METTL22: variants seen among roughly 807,000 people sequenced by gnomAD.
METTL22 encodes the protein methyltransferase-like protein 22.
Under a neutral mutation model 48.4 loss-of-function variants are expected in METTL22, and 51 were observed. That is an observed-to-expected ratio of 1.05 (90% CI 0.84 to 1.33). The LOEUF (loss-of-function observed/expected upper bound fraction) is 1.33. METTL22 is among the 40% of genes most tolerant of loss of function. METTL22 has a pLI of 0.00. For synonymous variants in METTL22, 255 were observed against 214.1 expected (o/e 1.19, Z -1.67); for missense variants, 678 against 526.9 (o/e 1.29, Z -2.81).
chr16:8,625,939 T>C (rs2056035854), intron 2 of METTL22, 141 bp downstream of exon 2: 1 of 1,065,416 alleles, frequency 9.4e-7, no homozygotes, highest in Admixed American at 2.6e-5. Flanking sequence ...CTTTTTTTCT[T>C]TATGATTTTT....
Position 8,648,580 on chromosome 16 carries a change from C to T in METTL22, c.*2437C>T, listed in dbSNP as rs8060687. ...AGGCAGAGGTTGCAGTGAGCCAAGA[C>T]CATGCCATTGCACTCTAGCCTGGGC... is the stretch of plus-strand genomic sequence containing the variant. On this transcript the variant is annotated 3_prime_UTR_variant, in exon 11 of 11. Coordinates refer to ENST00000381920, the MANE Select transcript of METTL22 (RefSeq NM_024109.4). 0.99 allele frequency: 150,405 copies of T among 152,298 alleles called. 74,302 individuals are homozygous for T. Among genetic ancestry groups the T allele is most frequent in the Middle Eastern group, 1 (296 of 296 alleles). 9.4% of individuals were successfully genotyped at this position (152,298 alleles called of 1,614,324 possible).
In METTL22 at chr16:8,635,102, C is replaced by A. The variant is rs778574879; in HGVS notation, c.555+23C>A. On this transcript the variant is annotated intron_variant, in intron 4 of 10. Transcript: ENST00000381920. ...CAGGTGGGTAGGTCTTGTCCGCTTCCTGTGGCCCTGATGGGTCCCTGCAGA... is the reference window on the plus strand; with the variant it reads ...CAGGTGGGTAGGTCTTGTCCGCTTCATGTGGCCCTGATGGGTCCCTGCAGA... 1.9e-6 allele frequency: 3 copies of A among 1,614,000 alleles called. No homozygotes were observed. In the South Asian group the frequency reaches 3.3e-5, roughly 18 times the overall value.
rs774398197 is a variant in METTL22 at position 8,628,710 on chromosome 16, C to T, written c.134-20C>T. 27 of 1,567,658 alleles carry T rather than the reference C, an allele frequency of 1.7e-5. No homozygotes were observed. The highest frequency in any genetic ancestry group is 4.1e-5 in the African/African-American group (3 of 72,498). ...AAAACATCTTGGAATTCTCATTTTG[C>T]GTTCTGTCTTGCCTTTCAGTTTTCC... is the stretch of plus-strand genomic sequence containing the variant. On this transcript the variant is annotated intron_variant, in intron 2 of 10. Coordinates refer to ENST00000381920, the MANE Select transcript of METTL22 (RefSeq NM_024109.4).
chr16:8,635,178 G>A lies in METTL22; in HGVS notation c.566G>A (p.Gly189Asp), dbSNP rs777328789. 7 of 1,611,104 alleles carry A rather than the reference G, an allele frequency of 4.3e-6. No individual in the cohort carries two copies. The change falls in exon 5 of 11, where the codon GGC becomes GAC. Residue 189 changes from glycine (G) to aspartate (D), a missense_variant. By Grantham distance (94) the Gly-to-Asp change is moderately conservative (BLOSUM62 -1). Coordinates refer to ENST00000381920, the MANE Select transcript of METTL22 (RefSeq NM_024109.4). ...TCCTCTTCCCTCCAGGTGTGGCGGG[G>A]CGCCCTGCTCCTGGCAGACTACATC... ...LEDVGKQVWR[G>D]ALLLADYILF...
In METTL22 at chr16:8,642,097, G is replaced by A. The variant is rs763611216; in HGVS notation, c.827-30G>A. On this transcript the variant is annotated intron_variant, in intron 7 of 10. Coordinates refer to ENST00000381920, the MANE Select transcript of METTL22 (RefSeq NM_024109.4). ...TTGGTGGCCAGGAGAGAAGGCAATG[G>A]GCACAAAGTGTGCTTTTGTTCTTTC... is the stretch of plus-strand genomic sequence containing the variant. 4.5e-6 allele frequency: 7 copies of A among 1,561,628 alleles called. No homozygotes were observed. In the East Asian group the frequency reaches 1.3e-4, roughly 30 times the overall value.
intron 9 of METTL22, among the ~76,000 whole-genome samples, chr16:8,643,458 C>T (rs1322469298): frequency 6.6e-6 from 1 of 152,190 alleles, no homozygotes; most frequent in Admixed American, 6.5e-5. Context: ...GAGACACACA[C>T]TGACATTTCC....
intron 6 of METTL22, chr16:8,639,612 C>T (rs1407984216): frequency 1.5e-5 from 3 of 196,126 alleles, no homozygotes; most frequent in Non-Finnish European, 3.2e-5. Flanking sequence ...GGCCTGCTCT[C>T]CTTGCCTCCT....
At chr16:8,666,784 C>CTTTTTTTTT in the METTL22 span, 3 of 123,222 alleles carry the variant, frequency 2.4e-5, no homozygotes, top group Non-Finnish European at 3.4e-5. Context: ...TTCTTTCTTT[C>CTTTTTTTTT]TTTTTTTTTT....
At chr16:8,638,255 G>A (rs145581910) in intron 5 of METTL22, among the ~76,000 whole-genome samples, 50 of 152,268 alleles carry the variant, frequency 3.3e-4, no homozygotes, top group Non-Finnish European at 6.2e-4. Flanking sequence ...AGCTCCTCCC[G>A]TACATGGCTC....
chr16:8,646,345 G>C lies in METTL22; in HGVS notation c.*202G>C. ...CAGAGAAGGTTGTTGCTGTGGGCTG[G>C]AGGTCACTTTAGTTGCCTGTTTCTC... On this transcript the variant is annotated 3_prime_UTR_variant, in exon 11 of 11. Transcript: ENST00000381920. The C allele has an allele frequency of 1.3e-6, 1 of 741,988 alleles. No homozygotes were observed. The highest frequency in any genetic ancestry group is 2.4e-6 in the Non-Finnish European group (1 of 421,658). The allele number at this position is 741,988 out of a possible 1,614,324, so 46.0% of individuals were successfully genotyped here.
chr16:8,666,143 G>C, the METTL22 span, among the ~76,000 whole-genome samples: 1 of 152,196 alleles, frequency 6.6e-6, no homozygotes, highest in East Asian at 1.9e-4. Context: ...TGCTCAACCT[G>C]AAAGGGACAG....
chr16:8,642,560 G>T lies in METTL22; in HGVS notation c.1005G>T (p.Glu335Asp). Residue 335 changes from glutamate to aspartate, a missense_variant, in exon 9 of 11, where the codon GAG becomes GAT. Physicochemically the swap from Glu to Asp is conservative, Grantham distance 45. Transcript: ENST00000381920. ...KNACTAILSV[E>D]KRLNFTLRHL... ...CCTGCACAGCCATACTGTCGGTGGA[G>T]AAGAGGTGAGCTTTGCGCCACGGGA... 1 of 1,614,170 alleles carries T rather than the reference G, an allele frequency of 6.2e-7. No homozygotes were observed.
Position 8,625,613 on chromosome 16 carries a change from C to T in METTL22, c.-53C>T, listed in dbSNP as rs1004920467. The T allele has an allele frequency of 6.2e-7, 1 of 1,602,612 alleles. No individual in the cohort carries two copies. Among genetic ancestry groups the T allele is most frequent in the African/African-American group, 1.3e-5 (1 of 74,756 alleles). On this transcript the variant is annotated 5_prime_UTR_variant, in exon 2 of 11. Transcript: ENST00000381920. ...CTCTGGGACCTGCCATGCTGAGGAC[C>T]CATTCTCACCTCTGAGGGACTCCTG... is the stretch of plus-strand genomic sequence containing the variant.
rs1184765348 is a variant in METTL22, at chr16:8,639,377, C to T, written c.772+215C>T. 6 of 589,832 alleles carry T rather than the reference C, an allele frequency of 1.0e-5. No homozygotes were observed. In the Admixed American group the frequency reaches 1.4e-4, roughly 14 times the overall value. The allele number at this position is 589,832 out of a possible 1,614,324, so 36.5% of individuals were successfully genotyped here. On this transcript the variant is annotated intron_variant, in intron 6 of 10. Transcript: ENST00000381920. ...CTCATTCCCAGATCCACTGCGTCAT[C>T]CTACTCCAGCTCTTTCTCTCCCGGA...
At chr16:8,645,461 C>G (rs1329748834) in intron 10 of METTL22, among the ~76,000 whole-genome samples, 1 of 152,142 alleles carries the variant, frequency 6.6e-6, no homozygotes, top group Non-Finnish European at 1.5e-5. Flanking sequence ...AAGTCAGCAG[C>G]CCCAATACAT....
Position 8,646,595 on chromosome 16 carries a change from G to A in METTL22, c.*452G>A. 2.2e-6 allele frequency: 1 copy of A among 461,830 alleles called. No individual in the cohort carries two copies. The highest frequency in any genetic ancestry group is 4.3e-6 in the Non-Finnish European group (1 of 230,588). The allele number at this position is 461,830 out of a possible 1,614,324, so 28.6% of individuals were successfully genotyped here. On this transcript the variant is annotated 3_prime_UTR_variant, in exon 11 of 11. Transcript: ENST00000381920. ...GCACAAAAGCCTCATTTCCTCCCAG[G>A]GTTGGGTATGCTCCACCCCATCACT...
rs1205979993 is a variant in METTL22 at position 8,628,720 on chromosome 16, T to C, written c.134-10T>C. The C allele has an allele frequency of 5.6e-6, 9 of 1,594,732 alleles. No individual in the cohort carries two copies. The highest frequency in any genetic ancestry group is 7.7e-6 in the Non-Finnish European group (9 of 1,169,426). ...GGAATTCTCATTTTGCGTTCTGTCTTGCCTTTCAGTTTTCCTGTCCCAATT... is the reference window on the plus strand; with the variant it reads ...GGAATTCTCATTTTGCGTTCTGTCTCGCCTTTCAGTTTTCCTGTCCCAATT... On this transcript the variant is annotated splice_polypyrimidine_tract_variant and intron_variant, in intron 2 of 10. Transcript: ENST00000381920.
At chr16:8,626,950 G>T (rs1057368182) in intron 2 of METTL22, among the ~76,000 whole-genome samples, 2 of 151,396 alleles carry the variant, frequency 1.3e-5, no homozygotes, top group Admixed American at 6.6e-5. Flanking sequence ...TGTATTTTTG[G>T]TAGACACAGG....
the METTL22 span, among the ~76,000 whole-genome samples, chr16:8,657,824 C>CTTTTTTTTTT: frequency 7.3e-6 from 1 of 137,432 alleles, no homozygotes; most frequent in African/African-American, 2.9e-5. Context: ...TCTTTTCTTT[C>CTTTTTTTTTT]TTTTTTTTTT....
Sources: gnomAD v4.1 joint callset for allele counts (sites outside exome capture counted in the v4.1 genomes callset) on GRCh38, gnomAD v4.1.1 for gene constraint, MANE v1.5 for transcripts, NCBI Gene and HGNC (gene_info 2026-07-23, HGNC 2026-07-21) for gene names.